The following CDCA7L variants were observed in gnomAD, a reference collection of about 807,000 sequenced individuals.
CDCA7L encodes the protein cell division cycle associated 7 like, also known as cell division cycle-associated 7-like protein.
A neutral mutation model predicts 57.4 loss-of-function variants in CDCA7L; 44 were observed. The observed-to-expected ratio is 0.77, with a 90% CI of 0.60 to 0.98. The LOEUF is 0.98. Among genes scored for constraint, CDCA7L ranks in the 50% least tolerant of loss-of-function variants. The pLI is 0.00. For synonymous variants in CDCA7L, 236 were observed against 202.8 expected (o/e 1.16, Z -1.39); for missense variants, 644 against 580.6 (o/e 1.11, Z -1.12).
rs768528504 is a variant in CDCA7L, at chr7:21,906,470, C to T, written c.754-14G>A. ...TGTCTTCTTCCTCTGAAATCAAGAG[C>T]ACAGACAGAGACAACTGGGGACTCT... On this transcript the variant is annotated splice_polypyrimidine_tract_variant and intron_variant, in intron 5 of 9. Transcript: ENST00000406877. 1.2e-6 allele frequency: 2 copies of T among 1,609,910 alleles called. No individual in the cohort carries two copies. The highest frequency in any genetic ancestry group is 1.7e-6 in the Non-Finnish European group (2 of 1,177,194).
rs530173538 is a variant in CDCA7L, at chr7:21,908,142, C to T, written c.669G>A (p.Glu223=). The T allele has an allele frequency of 1.8e-5, 28 of 1,551,520 alleles. No homozygotes were observed. The Middle Eastern group carries it at 1.4e-3, about 77-fold the overall frequency. The change falls in exon 4 of 10, where the codon GAG becomes GAA. Residue 223 remains glutamate (E), a synonymous_variant. Coordinates refer to ENST00000406877, the MANE Select transcript of CDCA7L (RefSeq NM_018719.5). The stretch of plus-strand genomic sequence containing the variant: ...CGTGAAGCCTCACCATGGCTTTGTT[C>T]TCCTTGATGTTCATGGTCCTTTTCA... The part of the protein sequence containing the change: ...ALLKRTMNIK[E]NKAMLAQLLA...
intron 1 of CDCA7L, among the ~76,000 whole-genome samples, chr7:21,918,582 G>A (rs1307834641): frequency 6.6e-6 from 1 of 152,186 alleles, no homozygotes; most frequent in Non-Finnish European, 1.5e-5. Flanking sequence ...GTCTGTCCAA[G>A]TCTGAAGTTT....
At position 21,902,697 on chromosome 7, in the gene CDCA7L, T is replaced by C. The variant is rs966534882; in HGVS notation, c.1334+281A>G. On this transcript the variant is annotated intron_variant, in intron 9 of 9. Transcript: ENST00000406877. ...GTGTCTTTCCCCTCAGCCTGCCTTG[T>C]TTGTTTGTTCCTTCCATTTCTGTCA... 42 of 213,906 alleles carry C rather than the reference T, an allele frequency of 2.0e-4. 1 individual carries two copies. Among genetic ancestry groups the C allele is most frequent in the African/African-American group, 1.4e-3 (40 of 28,434 alleles). The allele number at this position is 213,906 out of a possible 1,614,324, so 13.3% of individuals were successfully genotyped here.
intron 6 of CDCA7L, among the ~76,000 whole-genome samples, chr7:21,905,893 G>GAACAGCCAA (rs1785122098): frequency 6.6e-6 from 1 of 152,164 alleles, no homozygotes; most frequent in South Asian, 2.1e-4. Flanking sequence ...GAACCACACT[G>GAACAGCCAA]AACAGCCAAA....
intron 1 of CDCA7L, among the ~76,000 whole-genome samples, chr7:21,935,897 T>G (rs1786147563): frequency 6.6e-6 from 1 of 151,972 alleles, no homozygotes; most frequent in Admixed American, 6.6e-5. Flanking sequence ...TAATCCCAGC[T>G]ACTTGGGAGG....
chr7:21,911,846 G>A (rs556689065), intron 2 of CDCA7L, 92 bp from the exon 3 acceptor site: 2 of 1,219,614 alleles, frequency 1.6e-6, no homozygotes, highest in Middle Eastern at 2.0e-4. Context: ...CGGGTACAGA[G>A]CTTCTGATGG....
chr7:21,902,564 A>ATGATT (rs1267916600), intron 9 of CDCA7L: 8 of 495,616 alleles, frequency 1.6e-5, no homozygotes, highest in East Asian at 4.0e-5. Context: ...TTCCAGAACC[A>ATGATT]CGATTCAGAG....
intron 1 of CDCA7L, among the ~76,000 whole-genome samples, chr7:21,941,640 G>A (rs1306379227): frequency 1.3e-5 from 2 of 152,176 alleles, no homozygotes; most frequent in Non-Finnish European, 2.9e-5. Context: ...TAACACTCCA[G>A]CCCTTCTAGT....
intron 4 of CDCA7L, among the ~76,000 whole-genome samples, chr7:21,907,091 A>T (rs527745093): frequency 6.6e-6 from 1 of 152,336 alleles, no homozygotes; most frequent in Admixed American, 6.5e-5. Flanking sequence ...TAAATAGATT[A>T]ATTTCTCATC....
At chr7:21,924,727 T>C (rs1205518134) in intron 1 of CDCA7L, among the ~76,000 whole-genome samples, 2 of 152,152 alleles carry the variant, frequency 1.3e-5, no homozygotes, top group East Asian at 3.8e-4. Flanking sequence ...ACAATACAGA[T>C]CTTTAAAATG....
chr7:21,907,481 T>C (rs923535967), intron 4 of CDCA7L, among the ~76,000 whole-genome samples: 1 of 150,956 alleles, frequency 6.6e-6, no homozygotes, highest in Non-Finnish European at 1.5e-5. Flanking sequence ...AAAAAAACTG[T>C]AGATAAACAA....
intron 7 of CDCA7L, among the ~76,000 whole-genome samples, chr7:21,904,816 G>C (rs150943620): frequency 6.6e-6 from 1 of 152,102 alleles, no homozygotes. Flanking sequence ...AGATGAGGCT[G>C]AGCAGAGACC....
In CDCA7L at chr7:21,944,449, CAAAAA is replaced by C. The variant is rs59373889; in HGVS notation, c.24+1327_24+1331del. ...CCGGACAAGAGCGAAACTCCGTCTC[CAAAAA>C]AAAAAAAAAAAAAAAAAGGATGCTA... On this transcript the variant is annotated intron_variant, in intron 1 of 9. Transcript: ENST00000406877. Among the ~76,000 whole-genome samples, 406 of 61,614 alleles carry C rather than the reference CAAAAA, an allele frequency of 6.6e-3. 2 individuals carry two copies. Among genetic ancestry groups the C allele is most frequent in the African/African-American group, 0.03 (332 of 11,156 alleles). The allele number at this position is 61,614 out of a possible 152,430, so 40.4% of individuals were successfully genotyped here. A position where few individuals can be genotyped will look rare whatever the true frequency, so the allele number is the denominator to read the frequency against.
rs1784900201 is a variant in CDCA7L at position 21,902,017 on chromosome 7, A to G, written c.*305T>C. The G allele has an allele frequency of 2.6e-6, 1 of 385,140 alleles. No homozygotes were observed. Among genetic ancestry groups the G allele is most frequent in the Non-Finnish European group, 4.8e-6 (1 of 208,728 alleles). The allele number at this position is 385,140 out of a possible 1,614,324, so 23.9% of individuals were successfully genotyped here. On this transcript the variant is annotated 3_prime_UTR_variant, in exon 10 of 10. Transcript: ENST00000406877. ...CTGATCATACAATGTTTTCTCTCTAACTTACTTACCTGAACTTTAACCCCA... is the reference window on the plus strand; with the variant it reads ...CTGATCATACAATGTTTTCTCTCTAGCTTACTTACCTGAACTTTAACCCCA...
chr7:21,920,769 G>C (rs1785625367), intron 1 of CDCA7L, among the ~76,000 whole-genome samples: 2 of 152,190 alleles, frequency 1.3e-5, no homozygotes, highest in East Asian at 1.9e-4. Context: ...TTAGCACTCA[G>C]AACTAATACG....
At chr7:21,910,973 T>G (rs1211046936) in intron 3 of CDCA7L, among the ~76,000 whole-genome samples, 1 of 150,470 alleles carries the variant, frequency 6.6e-6, no homozygotes, top group African/African-American at 2.5e-5. Flanking sequence ...GATAAACTTT[T>G]AGATAAAAGA....
rs574308265 is a variant in CDCA7L at position 21,931,358 on chromosome 7, C to T, written c.24+14423G>A. ...ATTTCAGACCAGTATCCCTGATGAA[C>T]GAAGATTTTCACATTGGCAATAAAA... On this transcript the variant is annotated intron_variant, in intron 1 of 9. Transcript: ENST00000406877. 5.9e-5 allele frequency among the ~76,000 whole-genome samples: 9 copies of T among 152,300 alleles called. No homozygotes were observed. In the South Asian group the frequency reaches 6.2e-4, roughly 11 times the overall value.
At chr7:21,930,735 G>A (rs1248436372) in intron 1 of CDCA7L, among the ~76,000 whole-genome samples, 33 of 138,888 alleles carry the variant, frequency 2.4e-4, no homozygotes, top group Non-Finnish European at 4.2e-4. Flanking sequence ...AACTAGAGAC[G>A]CAAGAGCCAT....
intron 1 of CDCA7L, among the ~76,000 whole-genome samples, chr7:21,930,320 T>G (rs1785966397): frequency 6.6e-6 from 1 of 152,128 alleles, no homozygotes; most frequent in African/African-American, 2.4e-5. Context: ...AAAGCAGTGT[T>G]GAGAGGGAAA....
Sources: gnomAD v4.1 joint callset for allele counts (sites outside exome capture counted in the v4.1 genomes callset) on GRCh38, gnomAD v4.1.1 for gene constraint, MANE v1.5 for transcripts, NCBI Gene and HGNC (gene_info 2026-07-23, HGNC 2026-07-21) for gene names.